The following NAALADL2 variants were observed in gnomAD, a reference collection of about 807,000 sequenced individuals.
NAALADL2 encodes the protein inactive N-acetylated-alpha-linked acidic dipeptidase-like protein 2.
A neutral mutation model predicts 87.2 loss-of-function variants in NAALADL2; 76 were observed. The observed-to-expected ratio is 0.87, with a 90% CI of 0.72 to 1.05. NAALADL2 has a LOEUF of 1.05. NAALADL2 is among the 50% of genes least tolerant of loss of function. The pLI is 0.00. For missense variants in NAALADL2, 1,089 were observed against 945.8 expected, an observed-to-expected ratio of 1.15 and a Z score of -1.99; for synonymous variants, 354 against 331.0, an observed-to-expected ratio of 1.07 and a Z score of -0.75.
At chr3:175,474,076 A>T (rs1279009844) in intron 9 of NAALADL2, among the ~76,000 whole-genome samples, 2 of 152,060 alleles carry the variant, frequency 1.3e-5, no homozygotes, top group East Asian at 3.8e-4. Flanking sequence ...CTGTTTTTTA[A>T]CTTTTTAATA....
At chr3:175,381,057 A>G (rs1481460488) in intron 5 of NAALADL2, among the ~76,000 whole-genome samples, 1 of 152,032 alleles carries the variant, frequency 6.6e-6, no homozygotes, top group Admixed American at 6.5e-5. Context: ...GAAAGGTTTT[A>G]TAATGAACAA....
intron 10 of NAALADL2, among the ~76,000 whole-genome samples, chr3:175,578,096 G>T (rs1382093493): frequency 6.7e-6 from 1 of 149,474 alleles, no homozygotes; most frequent in Non-Finnish European, 1.5e-5. Flanking sequence ...TGGTTTCTGG[G>T]CTTCTGCTTT....
intron 4 of NAALADL2, among the ~76,000 whole-genome samples, chr3:175,283,958 T>G (rs755427474): frequency 1.3e-5 from 2 of 149,842 alleles, no homozygotes; most frequent in Non-Finnish European, 3.0e-5. Context: ...AATGTTCTAT[T>G]TGCTTTTTAT....
chr3:174,975,171 C>T (rs970728219), intron 1 of NAALADL2, among the ~76,000 whole-genome samples: 1 of 152,084 alleles, frequency 6.6e-6, no homozygotes, highest in Non-Finnish European at 1.5e-5. Context: ...GATCCTGTTC[C>T]CACTGTCTTC....
In NAALADL2 at chr3:175,576,052, C is replaced by T. The variant is rs1718835776; in HGVS notation, c.1665C>T (p.Phe555=). The T allele has an allele frequency of 1.2e-6, 2 of 1,608,574 alleles. No individual in the cohort carries two copies. Among genetic ancestry groups the T allele is most frequent in the African/African-American group, 1.3e-5 (1 of 74,676 alleles). Residue 555 remains phenylalanine (F), a synonymous_variant, in exon 10 of 14, where the codon TTC becomes TTT. Transcript: ENST00000454872. Reference sequence around the variant, plus strand: ...ATTATGTTTTTCAGAAAAATAATTTCAACTGTACCAGAAGAGCCCAGTGCC... The same window carrying T: ...ATTATGTTTTTCAGAAAAATAATTTTAACTGTACCAGAAGAGCCCAGTGCC... ...LQQLVVEKNN[F]NCTRRAQCPE...
chr3:175,196,499 G>A (rs1739019931), intron 2 of NAALADL2, among the ~76,000 whole-genome samples: 1 of 151,884 alleles, frequency 6.6e-6, no homozygotes, highest in African/African-American at 2.4e-5. Context: ...TATTTTTTAA[G>A]TCAAATCTCT....
chr3:175,727,325 T>A (rs1239511229), intron 11 of NAALADL2, among the ~76,000 whole-genome samples: 1 of 152,102 alleles, frequency 6.6e-6, no homozygotes, highest in East Asian at 1.9e-4. Context: ...CTATGGCCAT[T>A]CCACTATCCA....
intron 3 of NAALADL2, among the ~76,000 whole-genome samples, chr3:174,810,114 A>C (rs1317398795): frequency 6.6e-6 from 1 of 152,150 alleles, no homozygotes; most frequent in Non-Finnish European, 1.5e-5. Flanking sequence ...TTTCTTTATA[A>C]ATGATCCATT....
intron 3 of NAALADL2, among the ~76,000 whole-genome samples, chr3:174,793,655 CA>C (rs1392451223): frequency 6.6e-6 from 1 of 152,054 alleles, no homozygotes; most frequent in Non-Finnish European, 1.5e-5. Context: ...CAAAACAAAA[CA>C]GGACAAAAGT....
intron 10 of NAALADL2, among the ~76,000 whole-genome samples, chr3:175,608,834 C>A (rs535672466): frequency 2.0e-5 from 3 of 152,022 alleles, no homozygotes; most frequent in Non-Finnish European, 4.4e-5. Context: ...CAAATGTTAC[C>A]GTTTTGCCAC....
At chr3:174,976,937 G>C (rs527393429) in intron 1 of NAALADL2, among the ~76,000 whole-genome samples, 3 of 152,278 alleles carry the variant, frequency 2.0e-5, no homozygotes, top group African/African-American at 7.2e-5. Flanking sequence ...ATTTCATCTA[G>C]TTCCCAGATG....
chr3:174,961,400 C>G (rs1406340998), intron 1 of NAALADL2, among the ~76,000 whole-genome samples: 2 of 151,762 alleles, frequency 1.3e-5, no homozygotes, highest in Non-Finnish European at 1.5e-5. Flanking sequence ...ATCTTAAAAG[C>G]AAGAATTTCA....
intron 1 of NAALADL2, among the ~76,000 whole-genome samples, chr3:174,898,037 C>T (rs1272275973): frequency 1.1e-4 from 13 of 113,622 alleles, no homozygotes; most frequent in Non-Finnish European, 1.8e-4. Context: ...GGCGTGAACC[C>T]GGGAGGCGGA....
intron 13 of NAALADL2, among the ~76,000 whole-genome samples, chr3:175,801,986 G>C (rs1576875942): frequency 6.6e-6 from 1 of 152,060 alleles, no homozygotes; most frequent in Non-Finnish European, 1.5e-5. Flanking sequence ...AGAGAGAACA[G>C]TGTAATGAAT....
intron 2 of NAALADL2, among the ~76,000 whole-genome samples, chr3:175,151,681 TAC>T (rs1731566163): frequency 6.6e-6 from 1 of 152,084 alleles, no homozygotes; most frequent in Admixed American, 6.6e-5. Flanking sequence ...CTACCCATCA[TAC>T]ATACATACAC....
intron 3 of NAALADL2, among the ~76,000 whole-genome samples, chr3:174,830,190 C>A (rs373748614): frequency 7.2e-6 from 1 of 138,636 alleles, no homozygotes; most frequent in Non-Finnish European, 1.5e-5. Flanking sequence ...AAGTCCTTGC[C>A]CATGCCTATG....
chr3:174,491,061 A>G (rs950771384), intron 1 of NAALADL2, among the ~76,000 whole-genome samples: 2 of 152,140 alleles, frequency 1.3e-5, no homozygotes, highest in Non-Finnish European at 2.9e-5. Context: ...GAATCACCAT[A>G]TGAGAGAGAA....
intron 2 of NAALADL2, among the ~76,000 whole-genome samples, chr3:174,698,424 T>A (rs984395770): frequency 5.3e-5 from 8 of 152,280 alleles, no homozygotes; most frequent in African/African-American, 1.9e-4. Flanking sequence ...TATTCTACTC[T>A]TTTCTGGCTT....
intron 3 of NAALADL2, among the ~76,000 whole-genome samples, chr3:174,750,745 T>C (rs980776663): frequency 2.6e-5 from 4 of 152,198 alleles, no homozygotes; most frequent in African/African-American, 7.2e-5. Context: ...ATTATTCTTC[T>C]TAATTATGTA....
Sources: gnomAD v4.1 joint callset for allele counts (sites outside exome capture counted in the v4.1 genomes callset) on GRCh38, gnomAD v4.1.1 for gene constraint, MANE v1.5 for transcripts, NCBI Gene and HGNC (gene_info 2026-07-23, HGNC 2026-07-21) for gene names.